The following TMEFF1 variants were observed in gnomAD, a reference collection of about 807,000 sequenced individuals.
TMEFF1 encodes the protein tomoregulin-1.
In TMEFF1, 20 loss-of-function variants were observed where a neutral mutation model predicts 47.5. That is an observed-to-expected ratio of 0.42 (90% CI 0.30 to 0.61). The LOEUF (loss-of-function observed/expected upper bound fraction) is 0.61, where lower values mean the gene tolerates loss of function less well. Ranked by LOEUF, TMEFF1 falls within the 20% of genes least tolerant of loss-of-function variation. The pLI, the probability that TMEFF1 is intolerant of heterozygous loss-of-function variation, is 0.19. For synonymous variants in TMEFF1, 162 were observed against 166.3 expected (o/e 0.97, Z 0.20); for missense variants, 411 against 471.1 (o/e 0.87, Z 1.18).
intron 5 of TMEFF1, among the ~76,000 whole-genome samples, chr9:100,545,894 C>G (rs575655168): frequency 6.6e-6 from 1 of 152,168 alleles, no homozygotes; most frequent in African/African-American, 2.4e-5. Context: ...TAACAAGAGT[C>G]ACTTTGCTCC....
intron 2 of TMEFF1, among the ~76,000 whole-genome samples, chr9:100,499,152 AAG>A (rs1480841688): frequency 2.6e-5 from 4 of 152,226 alleles, no homozygotes; most frequent in African/African-American, 9.6e-5. Context: ...ACTGAAAGGA[AAG>A]AGGTACAGGT....
At chr9:100,543,494 T>C (rs1411524258) in intron 5 of TMEFF1, among the ~76,000 whole-genome samples, 5 of 152,144 alleles carry the variant, frequency 3.3e-5, no homozygotes, top group Admixed American at 2.0e-4. Context: ...TGGGCTGAGC[T>C]GCATATTTTT....
intron 1 of TMEFF1, among the ~76,000 whole-genome samples, chr9:100,484,024 T>C (rs1837398969): frequency 6.6e-6 from 1 of 152,208 alleles, no homozygotes; most frequent in African/African-American, 2.4e-5. Context: ...TCATAATTTG[T>C]TGTACTTTTT....
Position 100,473,709 on chromosome 9 carries a change from C to T in TMEFF1, c.165C>T (p.Pro55=). Reference sequence around the variant, plus strand: ...GCGGCGGCAGCGGCGGGGACTGTCCCGGCGGCAAAGGCAAGAGCATCAACT... The same window carrying T: ...GCGGCGGCAGCGGCGGGGACTGTCCTGGCGGCAAAGGCAAGAGCATCAACT... The part of the protein sequence containing the change: ...GGGGGSGGDC[P]GGKGKSINCS... The change falls in exon 1 of 10, where the codon CCC becomes CCT. Residue 55 remains proline (P), a synonymous_variant. Coordinates refer to ENST00000374879, the MANE Select transcript of TMEFF1 (RefSeq NM_003692.5). This position sits in a 1 kb window ranked among gnomAD's most constrained non-coding sequence, Gnocchi z 5.4. 2 of 1,530,828 alleles carry T rather than the reference C, an allele frequency of 1.3e-6. No homozygotes were observed. Among genetic ancestry groups the T allele is most frequent in the South Asian group, 1.2e-5 (1 of 81,362 alleles). The allele number at this position is 1,530,828 out of a possible 1,614,324, so 94.8% of individuals were successfully genotyped here. A position where few individuals can be genotyped will look rare whatever the true frequency, so the allele number is the denominator to read the frequency against.
chr9:100,475,050 C>A (rs1254365830), intron 1 of TMEFF1, among the ~76,000 whole-genome samples: 6 of 152,002 alleles, frequency 3.9e-5, no homozygotes, highest in African/African-American at 1.4e-4. Context: ...AATTCTGGAG[C>A]CTTCTCTTGT....
intron 4 of TMEFF1, among the ~76,000 whole-genome samples, chr9:100,515,114 G>A (rs1838040682): frequency 6.6e-6 from 1 of 152,108 alleles, no homozygotes; most frequent in Admixed American, 6.6e-5. Flanking sequence ...TGCAGTGAGT[G>A]GTGATCACGC....
At position 100,473,843 on chromosome 9, in the gene TMEFF1, G is replaced by T; in HGVS notation, c.196+103G>T. ...GGCTGGGAAAGACCCCGTCGTGGGG[G>T]TCCCAGGGGTGGGCCCGAGGGTGAG... On this transcript the variant is annotated intron_variant, in intron 1 of 9. Transcript: ENST00000374879. The surrounding 1 kb of genome is among the most constrained non-coding windows in gnomAD (Gnocchi z 5.4). 1.5e-6 allele frequency: 2 copies of T among 1,318,258 alleles called. No individual in the cohort carries two copies. The highest frequency in any genetic ancestry group is 3.6e-5 in the South Asian group (2 of 55,752). The allele number at this position is 1,318,258 out of a possible 1,614,324, so 81.7% of individuals were successfully genotyped here.
chr9:100,478,770 G>T (rs1837283729), intron 1 of TMEFF1, among the ~76,000 whole-genome samples: 1 of 152,158 alleles, frequency 6.6e-6, no homozygotes, highest in African/African-American at 2.4e-5. Flanking sequence ...TAGACTGACT[G>T]ACTTTGTTTT....
At chr9:100,502,111 ATTTG>A (rs898283645) in intron 2 of TMEFF1, among the ~76,000 whole-genome samples, 4 of 152,178 alleles carry the variant, frequency 2.6e-5, no homozygotes, top group African/African-American at 9.6e-5. Flanking sequence ...GTGTATATAA[ATTTG>A]TTTAATTCCC....
At position 100,493,184 on chromosome 9, in the gene TMEFF1, A is replaced by G. The variant is rs75422030; in HGVS notation, c.197-5581A>G. ...GTGGGCAGAGGCCAGGACTGTTGCT[A>G]AACAACCTCCAGTGTACAGGATATT... On this transcript the variant is annotated intron_variant, in intron 1 of 9. Transcript: ENST00000374879. Among the ~76,000 whole-genome samples the G allele has an allele frequency of 6.7e-3, 1,022 of 152,124 alleles. 7 individuals carry two copies. Among genetic ancestry groups the G allele is most frequent in the African/African-American group, 0.024 (994 of 41,492 alleles).
intron 6 of TMEFF1, among the ~76,000 whole-genome samples, chr9:100,548,975 C>CT: frequency 6.6e-6 from 1 of 152,204 alleles, no homozygotes; most frequent in Admixed American, 6.5e-5. Flanking sequence ...AGTGGGAAGA[C>CT]TAGCTTAGAG....
At chr9:100,518,355 GTGTTT>G in intron 5 of TMEFF1, 1 of 795,018 alleles carries the variant, frequency 1.3e-6, no homozygotes, top group Non-Finnish European at 1.5e-6. Flanking sequence ...CAACTCTGTT[GTGTTT>G]ACTAAATTAA....
intron 7 of TMEFF1, among the ~76,000 whole-genome samples, chr9:100,553,693 A>G (rs902515395): frequency 1.3e-5 from 2 of 152,234 alleles, no homozygotes; most frequent in African/African-American, 4.8e-5. Context: ...GGAGATGGGT[A>G]TGTGGCATTT....
At chr9:100,509,600 C>T (rs1299603576) in intron 3 of TMEFF1, among the ~76,000 whole-genome samples, 6 of 151,908 alleles carry the variant, frequency 3.9e-5, no homozygotes, top group East Asian at 1.9e-4. Context: ...AGTGAAACCC[C>T]GTCTCTACTA....
chr9:100,559,822 A>C (rs1051113998), intron 7 of TMEFF1, among the ~76,000 whole-genome samples: 4 of 152,166 alleles, frequency 2.6e-5, no homozygotes, highest in South Asian at 2.1e-4. Flanking sequence ...TTTTAGGTCT[A>C]TTCTCTTTCT....
chr9:100,519,564 C>A (rs1000223602), intron 5 of TMEFF1, among the ~76,000 whole-genome samples: 1 of 147,856 alleles, frequency 6.8e-6, no homozygotes, highest in Non-Finnish European at 1.5e-5. Flanking sequence ...CCATCTGCCT[C>A]TTTCTAATTT....
rs566390248 is a variant in TMEFF1 at position 100,474,383 on chromosome 9, T to G, written c.196+643T>G. Among the ~76,000 whole-genome samples the G allele has an allele frequency of 3.1e-3, 477 of 151,798 alleles. 3 individuals carry two copies. Among genetic ancestry groups the G allele is most frequent in the African/African-American group, 0.01 (428 of 41,380 alleles). Reference sequence around the variant, plus strand: ...GGGTTCTGAGATGGGATCTGGGGGCTTAGAGTGACCTCGGGTCTGTGGATA... The same window carrying G: ...GGGTTCTGAGATGGGATCTGGGGGCGTAGAGTGACCTCGGGTCTGTGGATA... On this transcript the variant is annotated intron_variant, in intron 1 of 9. Coordinates refer to ENST00000374879, the MANE Select transcript of TMEFF1 (RefSeq NM_003692.5).
In TMEFF1 at chr9:100,516,980, C is replaced by A. The variant is rs116352871; in HGVS notation, c.560+209C>A. ...AGTGTTATAATTTTAGAATGATAAT[C>A]CATTTATAGTTTTCTGGTTTTATCT... On this transcript the variant is annotated intron_variant, in intron 5 of 9. Coordinates refer to ENST00000374879, the MANE Select transcript of TMEFF1 (RefSeq NM_003692.5). Among the ~76,000 whole-genome samples the A allele has an allele frequency of 6.6e-3, 1,011 of 152,038 alleles. 6 individuals carry two copies. The highest frequency in any genetic ancestry group is 0.024 in the African/African-American group (984 of 41,468).
At chr9:100,565,519 T>TG (rs1839110038) in intron 8 of TMEFF1, among the ~76,000 whole-genome samples, 1 of 152,182 alleles carries the variant, frequency 6.6e-6, no homozygotes, top group African/African-American at 2.4e-5. Context: ...GGTCTCAAGG[T>TG]GGGCCCTTTA....
Sources: allele counts gnomAD v4.1 joint callset (sites outside exome capture counted in the v4.1 genomes callset), GRCh38; gene constraint gnomAD v4.1.1; non-coding constraint Gnocchi (gnomAD v3.1); transcripts MANE v1.5; gene names NCBI Gene and HGNC (gene_info 2026-07-23, HGNC 2026-07-21).